Variants in HNF1B observed in about 807,000 individuals in gnomAD.
The protein encoded by HNF1B is HNF1 homeobox B, also known as hepatocyte nuclear factor 1-beta.
In HNF1B, 8 loss-of-function variants were observed where a neutral mutation model predicts 61.7. The observed-to-expected ratio is 0.13, with a 90% CI of 0.08 to 0.23. HNF1B has a LOEUF of 0.23. HNF1B is among the 10% of genes least tolerant of loss of function. The probability of loss-of-function intolerance (pLI) is 1.00; values close to 1 mark genes in which losing one functional copy is unlikely to be tolerated. For missense variants in HNF1B, 562 were observed against 714.5 expected (o/e 0.79, Z 2.43); for synonymous variants, 314 against 287.7 (o/e 1.09, Z -0.93).
intron 2 of HNF1B, among the ~76,000 whole-genome samples, chr17:37,737,878 A>G (rs1459289887): frequency 6.6e-6 from 1 of 152,110 alleles, no homozygotes; most frequent in Admixed American, 6.6e-5. Context: ...AAAAATAACA[A>G]TAACAACAAT....
intron 4 of HNF1B, 29 bp downstream of exon 4, chr17:37,731,566 C>T (rs761087513): frequency 4.7e-5 from 73 of 1,565,094 alleles, no homozygotes; most frequent in East Asian, 4.6e-4. Context: ...GTTGGGTTGC[C>T]GAGGCAGTGA....
chr17:37,742,068 G>A (rs1442605095), intron 1 of HNF1B, among the ~76,000 whole-genome samples: 2 of 152,246 alleles, frequency 1.3e-5, no homozygotes, highest in Non-Finnish European at 2.9e-5. Flanking sequence ...GTCCCGAAGA[G>A]GGCCTGCGGC....
chr17:37,703,039 C>T (rs1288608254), intron 6 of HNF1B, among the ~76,000 whole-genome samples: 1 of 152,220 alleles, frequency 6.6e-6, no homozygotes, highest in Non-Finnish European at 1.5e-5. Context: ...TTGGCCCTGC[C>T]AAATAATTTG....
intron 4 of HNF1B, among the ~76,000 whole-genome samples, chr17:37,716,399 G>A (rs556435341): frequency 8.6e-5 from 13 of 151,986 alleles, no homozygotes; most frequent in African/African-American, 2.2e-4. Flanking sequence ...GAGTTTCACC[G>A]TGTTGGCCAG....
At chr17:37,742,804 C>T (rs1454974336) in intron 1 of HNF1B, among the ~76,000 whole-genome samples, 3 of 151,300 alleles carry the variant, frequency 2.0e-5, no homozygotes, top group African/African-American at 7.3e-5. Context: ...CTCGGGCGCT[C>T]ACAGAGCCCG....
chr17:37,710,750 G>A, intron 4 of HNF1B, 87 bp from the exon 5 acceptor site: 1 of 1,364,914 alleles, frequency 7.3e-7, no homozygotes, highest in East Asian at 2.5e-5. Flanking sequence ...TTCAAGGGTG[G>A]GTAATAAGAA....
At chr17:37,734,567 T>C (rs1253842286) in intron 2 of HNF1B, among the ~76,000 whole-genome samples, 1 of 152,130 alleles carries the variant, frequency 6.6e-6, no homozygotes, top group African/African-American at 2.4e-5. Context: ...GGCCCAGAGG[T>C]GATGCCTTAG....
intron 6 of HNF1B, 73 bp from the exon 7 acceptor site, chr17:37,701,250 GCCCC>G: frequency 4.9e-6 from 7 of 1,428,974 alleles, no homozygotes; most frequent in Non-Finnish European, 6.7e-6. Flanking sequence ...CATCATTTGA[GCCCC>G]CGCTCAATGT....
At chr17:37,707,219 G>C (rs1046205878) in intron 5 of HNF1B, among the ~76,000 whole-genome samples, 2 of 151,512 alleles carry the variant, frequency 1.3e-5, no homozygotes, top group African/African-American at 2.4e-5. Flanking sequence ...GGAATTAAGC[G>C]ATCTTGTCAC....
intron 4 of HNF1B, among the ~76,000 whole-genome samples, chr17:37,726,694 A>G (rs1395272911): frequency 2.6e-5 from 4 of 152,152 alleles, no homozygotes; most frequent in Non-Finnish European, 4.4e-5. Flanking sequence ...TCTAAGCCAC[A>G]TCAGGGAAGT....
chr17:37,738,115 T>C (rs1172644831), intron 2 of HNF1B, among the ~76,000 whole-genome samples: 1 of 152,230 alleles, frequency 6.6e-6, no homozygotes, highest in African/African-American at 2.4e-5. Flanking sequence ...CAATGGCTCC[T>C]GAGAATTTTT....
intron 1 of HNF1B, among the ~76,000 whole-genome samples, chr17:37,743,444 C>T (rs982275598): frequency 1.1e-4 from 16 of 152,266 alleles, no homozygotes; most frequent in African/African-American, 3.6e-4. Flanking sequence ...AAAAAATCTA[C>T]AAGTTCCCCT....
At chr17:37,723,664 T>C (rs2033398200) in intron 4 of HNF1B, among the ~76,000 whole-genome samples, 1 of 152,098 alleles carries the variant, frequency 6.6e-6, no homozygotes, top group African/African-American at 2.4e-5. Context: ...GAATATCTAG[T>C]TGGAGATACT....
rs1286256817 is a variant in HNF1B at position 37,687,204 on chromosome 17, C to T, written c.*168G>A. The T allele has an allele frequency of 8.3e-6, 9 of 1,085,808 alleles. No individual in the cohort carries two copies. The highest frequency in any genetic ancestry group is 2.4e-4 in the Middle Eastern group (1 of 4,246). 67.3% of individuals were successfully genotyped at this position (1,085,808 alleles called of 1,614,324 possible). On this transcript the variant is annotated 3_prime_UTR_variant, in exon 9 of 9. Coordinates refer to ENST00000617811, the MANE Select transcript of HNF1B (RefSeq NM_000458.4). ...GGAAACTGGGCTTCGGGCTGCGCCT[C>T]CTGAGAGTGGATTGTCTGAGGTGCC... is the stretch of plus-strand genomic sequence containing the variant.
chr17:37,701,227 G>T, intron 6 of HNF1B, 50 bp from the exon 7 acceptor site: 12 of 1,517,238 alleles, frequency 7.9e-6, no homozygotes, highest in Non-Finnish European at 1.1e-5. Context: ...GATAAGGAGA[G>T]GTGGATGGAT....
chr17:37,690,627 G>T (rs973705037), intron 8 of HNF1B, among the ~76,000 whole-genome samples: 1 of 152,140 alleles, frequency 6.6e-6, no homozygotes, highest in Non-Finnish European at 1.5e-5. Context: ...CTTATTGAGA[G>T]ACTGATGTGA....
intron 4 of HNF1B, among the ~76,000 whole-genome samples, chr17:37,715,188 A>G (rs7209295): frequency 0.037 from 5,617 of 152,140 alleles, 347 homozygotes; most frequent in African/African-American, 0.13. Flanking sequence ...GGCAGGAGTC[A>G]GTCACCCTGC....
intron 4 of HNF1B, among the ~76,000 whole-genome samples, chr17:37,728,347 C>T (rs2033573609): frequency 6.7e-6 from 1 of 150,244 alleles, no homozygotes. Flanking sequence ...CGCTCTGTCA[C>T]CCAGGCTAGA....
chr17:37,706,435 T>C (rs1246182913), intron 5 of HNF1B, among the ~76,000 whole-genome samples: 1 of 152,114 alleles, frequency 6.6e-6, no homozygotes, highest in African/African-American at 2.4e-5. Context: ...TTTCAGACGA[T>C]AGCTCTCCCA....
Sources: allele counts gnomAD v4.1 joint callset (sites outside exome capture counted in the v4.1 genomes callset), GRCh38; gene constraint gnomAD v4.1.1; transcripts MANE v1.5; gene names NCBI Gene and HGNC (gene_info 2026-07-23, HGNC 2026-07-21).